The following PPARGC1B variants were observed in gnomAD, a reference collection of about 807,000 sequenced individuals.
The protein encoded by PPARGC1B is PPARG coactivator 1 beta, also known as peroxisome proliferator-activated receptor gamma coactivator 1-beta.
PPARGC1B carries 34 observed loss-of-function variants against 101.6 expected under a neutral mutation model. That is an observed-to-expected ratio of 0.33 (90% confidence interval 0.25 to 0.45). The LOEUF is 0.45. PPARGC1B is among the 20% of genes least tolerant of loss of function. The probability of loss-of-function intolerance (pLI) is 1.00; values close to 1 mark genes in which losing one functional copy is unlikely to be tolerated. For missense variants in PPARGC1B, 1,234 were observed against 1,317.6 expected (o/e 0.94, Z 0.98); for synonymous variants, 548 against 539.3 (o/e 1.02, Z -0.22).
intron 1 of PPARGC1B, among the ~76,000 whole-genome samples, chr5:149,807,653 C>T (rs1202443738): frequency 6.6e-6 from 1 of 152,182 alleles, no homozygotes; most frequent in African/African-American, 2.4e-5. Context: ...TGCCACCCCC[C>T]ATCCTGGCAG....
At chr5:149,801,193 G>A (rs1053018213) in intron 1 of PPARGC1B, among the ~76,000 whole-genome samples, 5 of 152,114 alleles carry the variant, frequency 3.3e-5, no homozygotes, top group South Asian at 2.1e-4. Flanking sequence ...CAGGTGCCAG[G>A]GATACAGTAG....
rs372746541 is a variant in PPARGC1B at position 149,749,562 on chromosome 5, G to A, written c.78+19142G>A. 5.0e-4 allele frequency among the ~76,000 whole-genome samples: 76 copies of A among 152,304 alleles called. 1 individual carries two copies. In the South Asian group the frequency reaches 0.016, roughly 31 times the overall value. On this transcript the variant is annotated intron_variant, in intron 1 of 11. Coordinates refer to ENST00000309241, the MANE Select transcript of PPARGC1B (RefSeq NM_133263.4). The stretch of plus-strand genomic sequence containing the variant: ...CCACATCTCGCCATTGTATGATTTT[G>A]CAACAGTTGCAACTGTGAAACGCCC...
At chr5:149,806,263 C>T (rs1399605282) in intron 1 of PPARGC1B, among the ~76,000 whole-genome samples, 1 of 152,176 alleles carries the variant, frequency 6.6e-6, no homozygotes, top group Non-Finnish European at 1.5e-5. Flanking sequence ...GGGGCTCTGG[C>T]ATGACAGCAA....
At chr5:149,839,713 G>C (rs1041161683) in intron 8 of PPARGC1B, among the ~76,000 whole-genome samples, 6 of 152,148 alleles carry the variant, frequency 3.9e-5, no homozygotes, top group African/African-American at 1.2e-4. Flanking sequence ...GGTCAAATAA[G>C]ATAATAAAGC....
chr5:149,744,261 A>G (rs1755008971), intron 1 of PPARGC1B, among the ~76,000 whole-genome samples: 1 of 152,202 alleles, frequency 6.6e-6, no homozygotes, highest in Non-Finnish European at 1.5e-5. Flanking sequence ...TGGTTCTTAC[A>G]AGCTTGGCAG....
intron 1 of PPARGC1B, among the ~76,000 whole-genome samples, chr5:149,810,402 T>C (rs532659519): frequency 6.7e-4 from 102 of 152,258 alleles, no homozygotes; most frequent in Non-Finnish European, 1.4e-3. Context: ...CTGCCGAAGG[T>C]GGGGTGGGGG....
chr5:149,842,397 G>A lies in PPARGC1B; in HGVS notation c.2816+20G>A. ...TAGGAGGTGAGTTGAACCAAGCCATGGCAAATGAAGGGAGCAGAGAGGGGC... is the reference window on the plus strand; with the variant it reads ...TAGGAGGTGAGTTGAACCAAGCCATAGCAAATGAAGGGAGCAGAGAGGGGC... On this transcript the variant is annotated intron_variant, in intron 10 of 11. Transcript: ENST00000309241. The A allele has an allele frequency of 6.2e-7, 1 of 1,610,880 alleles. No homozygotes were observed. The highest frequency in any genetic ancestry group is 8.5e-7 in the Non-Finnish European group (1 of 1,177,276).
At chr5:149,815,102 G>A (rs1758004177) in intron 1 of PPARGC1B, among the ~76,000 whole-genome samples, 1 of 152,322 alleles carries the variant, frequency 6.6e-6, no homozygotes, top group Non-Finnish European at 1.5e-5. Context: ...TGAGGATCCT[G>A]GCTTCACAGG....
chr5:149,809,289 C>CATAGATAGATAG (rs202133455), intron 1 of PPARGC1B, among the ~76,000 whole-genome samples: 3 of 12,842 alleles, frequency 2.3e-4, no homozygotes, highest in Non-Finnish European at 3.4e-4. Context: ...CCATCTCTAC[C>CATAGATAGATAG]ATAGATAGAT....
In PPARGC1B at chr5:149,839,311, G is replaced by A. The variant is rs1016779652; in HGVS notation, c.2619-730G>A. Among the ~76,000 whole-genome samples, 171 of 152,308 alleles carry A rather than the reference G, an allele frequency of 1.1e-3. 2 individuals carry two copies. Among genetic ancestry groups the A allele is most frequent in the Admixed American group, 0.011 (161 of 15,294 alleles). ...GCCCAAGGTCACCCAACAGGGAGGCGGTGGGGCCAAGCTTCAAACTCAAGC... is the reference window on the plus strand; with the variant it reads ...GCCCAAGGTCACCCAACAGGGAGGCAGTGGGGCCAAGCTTCAAACTCAAGC... On this transcript the variant is annotated intron_variant, in intron 8 of 11. Transcript: ENST00000309241.
At chr5:149,799,667 TTTTG>T (rs1385750381) in intron 1 of PPARGC1B, among the ~76,000 whole-genome samples, 28 of 150,732 alleles carry the variant, frequency 1.9e-4, no homozygotes, top group South Asian at 6.3e-4. Flanking sequence ...GAATGGGCTT[TTTTG>T]TTTGTTTGTT....
At chr5:149,783,956 G>T (rs1756690809) in intron 1 of PPARGC1B, among the ~76,000 whole-genome samples, 1 of 152,022 alleles carries the variant, frequency 6.6e-6, no homozygotes, top group Admixed American at 6.6e-5. Context: ...ATGTGTGCAG[G>T]CATGCGTGTA....
rs1292464675 is a variant in PPARGC1B at position 149,851,317 on chromosome 5, T to G, written c.*3759T>G. ...GGCAGGGAAGGCATGGACAGCCTGG[T>G]CCTTCTGCATGGACAGCTCAGTCCA... On this transcript the variant is annotated 3_prime_UTR_variant, in exon 12 of 12. Transcript: ENST00000309241. 1 of 152,216 alleles carries G rather than the reference T, an allele frequency of 6.6e-6. No homozygotes were observed. Among genetic ancestry groups the G allele is most frequent in the Non-Finnish European group, 1.5e-5 (1 of 68,062 alleles). The allele number at this position is 152,216 out of a possible 1,614,324, so 9.4% of individuals were successfully genotyped here. A position where few individuals can be genotyped will look rare whatever the true frequency, so the allele number is the denominator to read the frequency against.
chr5:149,801,088 C>T (rs572582127), intron 1 of PPARGC1B, among the ~76,000 whole-genome samples: 6 of 152,094 alleles, frequency 3.9e-5, no homozygotes, highest in Admixed American at 3.3e-4. Context: ...AGAGAGAGAG[C>T]AGGACCTTGT....
Position 149,833,319 on chromosome 5 carries a change from G to A in PPARGC1B, c.1246G>A (p.Val416Met), listed in dbSNP as rs1202471627. 1.2e-6 allele frequency: 2 copies of A among 1,613,466 alleles called. No individual in the cohort carries two copies. The highest frequency in any genetic ancestry group is 1.7e-5 in the Admixed American group (1 of 60,036). Residue 416 changes from valine (V) to methionine (M), a missense_variant, in exon 5 of 12, where the codon GTG becomes ATG. Val to Met is a conservative substitution (Grantham distance 21). Transcript: ENST00000309241. The surrounding 1 kb of genome is among the most constrained non-coding windows in gnomAD (Gnocchi z 4.1). ...AAGCCTGCGCCCACTGCGGCTGGAGGTGAAAAGGGAGGTCCGCCGGCCTGC... is the reference window on the plus strand; with the variant it reads ...AAGCCTGCGCCCACTGCGGCTGGAGATGAAAAGGGAGGTCCGCCGGCCTGC... Reference protein sequence around the residue: ...RPSLRPLRLEVKREVRRPARL... With the variant: ...RPSLRPLRLEMKREVRRPARL...
rs2113417413 is a variant in PPARGC1B at position 149,836,536 on chromosome 5, A to G, written c.2081A>G (p.Tyr694Cys). ...PFSCSFGDHD[Y>C]CQVLRPEGVL... ...TCCTGTTCCTTTGGAGACCATGACT[A>G]CTGCCAGGTGCTCCGACCAGAAGGC... is the stretch of plus-strand genomic sequence containing the variant. Residue 694 changes from tyrosine (Y) to cysteine (C), a missense_variant, in exon 8 of 12, where the codon TAC becomes TGC. Tyr to Cys is a radical substitution (Grantham distance 194, BLOSUM62 -2). Coordinates refer to ENST00000309241, the MANE Select transcript of PPARGC1B (RefSeq NM_133263.4). 1.2e-6 allele frequency: 2 copies of G among 1,613,974 alleles called. No individual in the cohort carries two copies. The highest frequency in any genetic ancestry group is 1.7e-6 in the Non-Finnish European group (2 of 1,180,032).
At chr5:149,755,053 A>G (rs1755462813) in intron 1 of PPARGC1B, among the ~76,000 whole-genome samples, 1 of 43,158 alleles carries the variant, frequency 2.3e-5, no homozygotes, top group Non-Finnish European at 4.4e-5. Flanking sequence ...ATACATATAC[A>G]TATATATATA....
chr5:149,783,093 G>GAGAGAA (rs1554076437), intron 1 of PPARGC1B, among the ~76,000 whole-genome samples: 1 of 150,576 alleles, frequency 6.6e-6, no homozygotes, highest in Non-Finnish European at 1.5e-5. Flanking sequence ...GAGAGATAAA[G>GAGAGAA]AGAGAGAGAG....
intron 1 of PPARGC1B, among the ~76,000 whole-genome samples, chr5:149,805,310 A>G (rs1276635508): frequency 6.6e-6 from 1 of 152,214 alleles, no homozygotes; most frequent in Admixed American, 6.5e-5. Context: ...GGGTCCTTAA[A>G]TAGCCTACAA....
Sources: allele counts gnomAD v4.1 joint callset (sites outside exome capture counted in the v4.1 genomes callset), GRCh38; gene constraint gnomAD v4.1.1; non-coding constraint Gnocchi (gnomAD v3.1); transcripts MANE v1.5; gene names NCBI Gene and HGNC (gene_info 2026-07-23, HGNC 2026-07-21).